Variants in STXBP6 observed in about 807,000 individuals in gnomAD.
STXBP6 encodes syntaxin binding protein 6, also known as syntaxin-binding protein 6.
A neutral mutation model predicts 26.9 loss-of-function variants in STXBP6; 21 were observed. That is an observed-to-expected ratio of 0.78 (90% CI 0.55 to 1.12). STXBP6 has a LOEUF of 1.12. Ranked by LOEUF, STXBP6 falls within the 50% of genes most tolerant of loss-of-function variation. The probability of loss-of-function intolerance (pLI) is 0.00; values close to 1 mark genes in which losing one functional copy is unlikely to be tolerated. For missense variants in STXBP6, 232 were observed against 257.9 expected (o/e 0.90, Z 0.69); for synonymous variants, 97 against 92.6 (o/e 1.05, Z -0.27).
At chr14:25,000,543 T>C (rs903243357) in intron 1 of STXBP6, among the ~76,000 whole-genome samples, 3 of 151,566 alleles carry the variant, frequency 2.0e-5, no homozygotes, top group East Asian at 2.0e-4. Context: ...AGGCTAGCCA[T>C]AGAAACTGAA....
intron 2 of STXBP6, among the ~76,000 whole-genome samples, chr14:24,947,685 A>C (rs572806687): frequency 6.8e-4 from 103 of 152,302 alleles, no homozygotes; most frequent in African/African-American, 2.4e-3. Context: ...ACTTAATAGT[A>C]AACTGGCAGT....
intron 2 of STXBP6, among the ~76,000 whole-genome samples, chr14:24,959,556 T>A (rs1448473073): frequency 2.0e-5 from 3 of 152,226 alleles, no homozygotes; most frequent in African/African-American, 2.4e-5. Flanking sequence ...TGACTTAACG[T>A]TTATCTTCAG....
At chr14:25,040,702 T>C (rs1245492965) in intron 1 of STXBP6, among the ~76,000 whole-genome samples, 3 of 152,174 alleles carry the variant, frequency 2.0e-5, no homozygotes, top group African/African-American at 7.2e-5. Flanking sequence ...TCAACATATG[T>C]TTATTGATTC....
intron 2 of STXBP6, among the ~76,000 whole-genome samples, chr14:24,954,454 T>G (rs1414637918): frequency 2.0e-5 from 3 of 152,176 alleles, no homozygotes; most frequent in African/African-American, 7.2e-5. Context: ...TATTTGCTTT[T>G]GTATGTGGTG....
intron 4 of STXBP6, among the ~76,000 whole-genome samples, chr14:24,847,948 A>G (rs528224182): frequency 6.6e-6 from 1 of 152,306 alleles, no homozygotes; most frequent in African/African-American, 2.4e-5. Flanking sequence ...CAAACAACTC[A>G]GCATCCCAGA....
At chr14:24,993,086 G>T (rs1394096535) in intron 1 of STXBP6, among the ~76,000 whole-genome samples, 1 of 152,038 alleles carries the variant, frequency 6.6e-6, no homozygotes, top group Non-Finnish European at 1.5e-5. Context: ...TTTGCACTCT[G>T]TAGTCTCCTT....
At chr14:24,841,489 T>G (rs928266196) in intron 4 of STXBP6, among the ~76,000 whole-genome samples, 1 of 152,240 alleles carries the variant, frequency 6.6e-6, no homozygotes, top group Non-Finnish European at 1.5e-5. Context: ...TTAGCCATCA[T>G]CTTTTCAAAT....
intron 2 of STXBP6, among the ~76,000 whole-genome samples, chr14:24,926,131 C>T (rs139645634): frequency 6.6e-6 from 1 of 152,232 alleles, no homozygotes; most frequent in African/African-American, 2.4e-5. Context: ...GGACTTTAAG[C>T]TTGTTTCTTT....
chr14:24,869,001 G>A (rs887234217), intron 2 of STXBP6, among the ~76,000 whole-genome samples: 2 of 152,214 alleles, frequency 1.3e-5, no homozygotes, highest in Admixed American at 6.5e-5. Flanking sequence ...ACCTGCATGT[G>A]CTATCTCATC....
At chr14:24,826,687 C>T (rs940272773) in intron 4 of STXBP6, among the ~76,000 whole-genome samples, 1 of 152,126 alleles carries the variant, frequency 6.6e-6, no homozygotes, top group East Asian at 1.9e-4. Flanking sequence ...TTCTGAAGGC[C>T]GCTCTTTCTG....
Position 25,050,030 on chromosome 14 carries a change from C to G in STXBP6, c.-185G>C. 1 of 273,400 alleles carries G rather than the reference C, an allele frequency of 3.7e-6. No individual in the cohort carries two copies. The highest frequency in any genetic ancestry group is 5.6e-6 in the Non-Finnish European group (1 of 179,326). The allele number at this position is 273,400 out of a possible 1,614,324, so 16.9% of individuals were successfully genotyped here. On this transcript the variant is annotated 5_prime_UTR_variant, in exon 1 of 6. Coordinates refer to ENST00000323944, the MANE Select transcript of STXBP6 (RefSeq NM_001394410.1). ...CTGGCTCGCCGCCGCTCGCGGCTCC[C>G]GCGCCGGCTCCTGCTGCCGCGCGCG...
intron 2 of STXBP6, among the ~76,000 whole-genome samples, chr14:24,914,018 T>C (rs1219226921): frequency 6.6e-6 from 1 of 152,214 alleles, no homozygotes; most frequent in Non-Finnish European, 1.5e-5. Flanking sequence ...GAGCCTTAAA[T>C]TATGCATCAT....
Position 24,810,540 on chromosome 14 carries a change from T to G in STXBP6, c.*2169A>C, listed in dbSNP as rs2067789788. Reference sequence around the variant, plus strand: ...AGATTCGGATGGGCTTTCTTCTAATTCAGGCTATTTCCAATGAAACTTAGG... The same window carrying G: ...AGATTCGGATGGGCTTTCTTCTAATGCAGGCTATTTCCAATGAAACTTAGG... On this transcript the variant is annotated 3_prime_UTR_variant, in exon 6 of 6. Coordinates refer to ENST00000323944, the MANE Select transcript of STXBP6 (RefSeq NM_001394410.1). 1 of 152,192 alleles carries G rather than the reference T, an allele frequency of 6.6e-6. No homozygotes were observed. Among genetic ancestry groups the G allele is most frequent in the Admixed American group, 6.5e-5 (1 of 15,278 alleles). The allele number at this position is 152,192 out of a possible 1,614,324, so 9.4% of individuals were successfully genotyped here. A position where few individuals can be genotyped will look rare whatever the true frequency, so the allele number is the denominator to read the frequency against.
chr14:25,023,660 T>C (rs1209036521), intron 1 of STXBP6, among the ~76,000 whole-genome samples: 2 of 151,766 alleles, frequency 1.3e-5, no homozygotes, highest in African/African-American at 4.8e-5. Flanking sequence ...AAAAAAAAAT[T>C]ATAAATAAGC....
chr14:25,005,371 A>G (rs1172109970), intron 1 of STXBP6, among the ~76,000 whole-genome samples: 1 of 152,234 alleles, frequency 6.6e-6, no homozygotes, highest in Non-Finnish European at 1.5e-5. Context: ...AATGCACATC[A>G]CTATGGTTGG....
chr14:24,826,472 C>T (rs999994601), intron 4 of STXBP6, among the ~76,000 whole-genome samples: 19 of 152,288 alleles, frequency 1.2e-4, no homozygotes, highest in Non-Finnish European at 2.2e-4. Context: ...CTTTCTTTCC[C>T]TACTCTCATC....
intron 2 of STXBP6, among the ~76,000 whole-genome samples, chr14:24,862,925 C>T (rs931433884): frequency 6.6e-6 from 1 of 152,124 alleles, no homozygotes; most frequent in Non-Finnish European, 1.5e-5. Flanking sequence ...CTTCCATATG[C>T]CAACGAGGAA....
At chr14:24,878,332 G>A (rs1289504217) in intron 2 of STXBP6, among the ~76,000 whole-genome samples, 6 of 151,876 alleles carry the variant, frequency 4.0e-5, no homozygotes, top group African/African-American at 9.7e-5. Context: ...AAATTTTCTG[G>A]TTTTACTTTT....
intron 1 of STXBP6, among the ~76,000 whole-genome samples, chr14:25,018,079 C>T (rs573188652): frequency 5.3e-5 from 8 of 152,308 alleles, no homozygotes; most frequent in Non-Finnish European, 1.2e-4. Context: ...AAAACACATT[C>T]TTAACCTGAT....
Sources: gnomAD v4.1 joint callset for allele counts (sites outside exome capture counted in the v4.1 genomes callset) on GRCh38, gnomAD v4.1.1 for gene constraint, MANE v1.5 for transcripts, NCBI Gene and HGNC (gene_info 2026-07-23, HGNC 2026-07-21) for gene names.